The following PLAC1 variants were observed in gnomAD, a reference collection of about 807,000 sequenced individuals.
The protein encoded by PLAC1 is placenta associated 1, also known as placenta-specific protein 1.
For synonymous variants in PLAC1, 68 were observed against 62.1 expected (o/e 1.09, Z -0.44); for missense variants, 136 against 163.2 (o/e 0.83, Z 0.91).
intron 1 of PLAC1, among the ~76,000 whole-genome samples, chrX:134,629,121 G>C (rs1350868655): frequency 9.0e-6 from 1 of 111,577 alleles, no homozygotes; most frequent in East Asian, 2.8e-4. Flanking sequence ...CTTACATTGA[G>C]AAAACCCCTG....
chrX:134,665,259 G>C (rs1484802504), intron 2 of PLAC1, among the ~76,000 whole-genome samples: 2 of 111,725 alleles, frequency 1.8e-5, no homozygotes, highest in East Asian at 5.6e-4. Context: ...CTGAGTCACT[G>C]GCCTTTATCA....
chrX:134,733,471 T>C (rs1292305081), exon 2 of PLAC1: 1 of 111,885 alleles, frequency 8.9e-6, no homozygotes, highest in African/African-American at 3.3e-5. Context: ...AGCAGAAAGA[T>C]ACTTGCCTTT....
intron 2 of PLAC1, among the ~76,000 whole-genome samples, chrX:134,580,953 G>A (rs1332397007): frequency 8.9e-6 from 1 of 111,890 alleles, no homozygotes; most frequent in Non-Finnish European, 1.9e-5. Context: ...TAAGAAGAAT[G>A]GCCTGTAGAC....
chrX:134,642,608 A>G (rs1407444175), intron 1 of PLAC1, among the ~76,000 whole-genome samples: 1 of 111,383 alleles, frequency 9.0e-6, no homozygotes, highest in Non-Finnish European at 1.9e-5. Flanking sequence ...CTGAAGTGTC[A>G]GGGAAGGCTT....
At chrX:134,655,332 TACACACACACACACAC>T (rs545237127) in intron 1 of PLAC1, among the ~76,000 whole-genome samples, 1 of 99,133 alleles carries the variant, frequency 1.0e-5, no homozygotes, top group Non-Finnish European at 2.0e-5. Context: ...TCAATCTATT[TACACACACACACACAC>T]ACACACACAC....
chrX:134,567,815 G>A (rs186747875), intron 2 of PLAC1, among the ~76,000 whole-genome samples: 12,180 of 84,242 alleles, frequency 0.14, 1,201 homozygotes, highest in Admixed American at 0.27. Context: ...AGAGAGAGAG[G>A]GAGGGAGGGA....
chrX:134,593,791 A>G (rs780218578), intron 2 of PLAC1, among the ~76,000 whole-genome samples: 10 of 111,674 alleles, frequency 9.0e-5, no homozygotes, highest in Non-Finnish European at 1.9e-4. Flanking sequence ...TTGTTTTAGG[A>G]GTTTAAAAAA....
At chrX:134,641,705 T>C (rs2078308563) in intron 1 of PLAC1, among the ~76,000 whole-genome samples, 1 of 111,954 alleles carries the variant, frequency 8.9e-6, no homozygotes, top group Admixed American at 9.5e-5. Flanking sequence ...TGGTGTTCCA[T>C]GATTTGGGTA....
At chrX:134,661,284 C>T (rs1052641136), upstream of PLAC1, among the ~76,000 whole-genome samples, 5 of 111,794 alleles carry the variant, frequency 4.5e-5, no homozygotes, top group African/African-American at 6.5e-5. Flanking sequence ...TAATGATCTG[C>T]GTAATTACTT....
chrX:134,642,409 T>C (rs1366009593), intron 1 of PLAC1, among the ~76,000 whole-genome samples: 2 of 111,672 alleles, frequency 1.8e-5, no homozygotes, highest in Admixed American at 1.9e-4. Flanking sequence ...TGAACTCCTA[T>C]TGGGGATGGC....
intron 1 of PLAC1, among the ~76,000 whole-genome samples, chrX:134,738,088 T>A (rs1434939688): frequency 9.0e-6 from 1 of 111,555 alleles, no homozygotes; most frequent in Non-Finnish European, 1.9e-5. Context: ...CTTGGCCACA[T>A]CTTTGAGGGA....
At chrX:134,701,975 T>A (rs1356695057) in intron 2 of PLAC1, among the ~76,000 whole-genome samples, 4 of 111,992 alleles carry the variant, frequency 3.6e-5, no homozygotes, top group Non-Finnish European at 7.5e-5. Context: ...GCCAAGATTG[T>A]GCCACTGCAC....
At chrX:134,610,815 C>T (rs925386425) in intron 1 of PLAC1, among the ~76,000 whole-genome samples, 9 of 111,377 alleles carry the variant, frequency 8.1e-5, no homozygotes, top group African/African-American at 2.9e-4. Context: ...ATCTTAAGCA[C>T]TCAATAAATG....
chrX:134,754,027 GA>G (rs1312950626), intron 1 of PLAC1, among the ~76,000 whole-genome samples: 5 of 112,196 alleles, frequency 4.5e-5, no homozygotes, highest in Non-Finnish European at 5.6e-5. Flanking sequence ...CCATCACATA[GA>G]AAACCCCACA....
intron 2 of PLAC1, among the ~76,000 whole-genome samples, chrX:134,693,127 T>C: frequency 8.9e-6 from 1 of 111,759 alleles, no homozygotes; most frequent in Non-Finnish European, 1.9e-5. Flanking sequence ...GCATATTTTA[T>C]TATTCCCTTC....
chrX:134,708,531 T>C (rs77523651), intron 2 of PLAC1, among the ~76,000 whole-genome samples: 2,030 of 78,005 alleles, frequency 0.026, 69 homozygotes, highest in African/African-American at 0.085. Context: ...AATCATTCTG[T>C]ATCTTTTTTT....
At chrX:134,593,321 T>C (rs1005831674) in intron 2 of PLAC1, among the ~76,000 whole-genome samples, 2 of 112,379 alleles carry the variant, frequency 1.8e-5, no homozygotes, top group Non-Finnish European at 3.8e-5. Context: ...ACTGTAGATA[T>C]ATGATAGGGT....
At chrX:134,604,792 T>C (rs2078114617) in intron 1 of PLAC1, among the ~76,000 whole-genome samples, 1 of 111,197 alleles carries the variant, frequency 9.0e-6, no homozygotes, top group African/African-American at 3.3e-5. Flanking sequence ...AAGGACACCA[T>C]TATGCAGGGC....
In PLAC1 at chrX:134,743,717, G is replaced by A. The variant is rs774786411; in HGVS notation, n.90-10198C>T. 2.2e-4 allele frequency among the ~76,000 whole-genome samples: 25 copies of A among 111,343 alleles called. No individual in the cohort carries two copies. The East Asian group carries it at 4.2e-3, about 19-fold the overall frequency. The stretch of plus-strand genomic sequence containing the variant: ...ACAAGGCCAGCCAATGTCACTCTCC[G>A]AAACAAGAAAAACTCTAGCCATCGA... On this transcript the variant is annotated intron_variant and non_coding_transcript_variant, in intron 1 of 2. Transcript: ENST00000466797.
Sources: gnomAD v4.1 joint callset for allele counts (sites outside exome capture counted in the v4.1 genomes callset) on GRCh38, gnomAD v4.1.1 for gene constraint, MANE v1.5 for transcripts, NCBI Gene and HGNC (gene_info 2026-07-23, HGNC 2026-07-21) for gene names.